ENTREP1: variants seen among roughly 807,000 people sequenced by gnomAD.
ENTREP1 encodes Friedreich ataxia region gene X123.
chr9:69,329,522 A>T, the ENTREP1 span: 1 of 984,412 alleles, frequency 1.0e-6, no homozygotes, highest in Non-Finnish European at 1.2e-6. Context: ...CATAGTTTTC[A>T]TTCATACTTT....
the ENTREP1 span, among the ~76,000 whole-genome samples, chr9:69,340,691 G>T: frequency 8.5e-6 from 1 of 117,050 alleles, no homozygotes; most frequent in Non-Finnish European, 1.8e-5. Context: ...GCATGTGTGT[G>T]TGTATGTGTG....
chr9:69,335,992 A>G, the ENTREP1 span, among the ~76,000 whole-genome samples: 694 of 152,380 alleles, frequency 4.6e-3, 7 homozygotes, highest in African/African-American at 0.016. Flanking sequence ...TTTAAAAACA[A>G]AACAAAATTA....
chr9:69,335,134 A>T, the ENTREP1 span, among the ~76,000 whole-genome samples: 1 of 152,182 alleles, frequency 6.6e-6, no homozygotes, highest in African/African-American at 2.4e-5. Context: ...TCCTTCTCAC[A>T]GTAGTTCCTC....
chr9:69,340,683 A>ATGTGTGTGTG, the ENTREP1 span, among the ~76,000 whole-genome samples: 1 of 27,112 alleles, frequency 3.7e-5, no homozygotes, highest in Non-Finnish European at 8.2e-5. Flanking sequence ...GTGTGCATGC[A>ATGTGTGTGTG]TGTGTGTGTG....
the ENTREP1 span, among the ~76,000 whole-genome samples, chr9:69,374,146 G>A: frequency 6.6e-6 from 1 of 152,124 alleles, no homozygotes; most frequent in Non-Finnish European, 1.5e-5. Context: ...ATTTTGCCCA[G>A]TGTAATGTTG....
chr9:69,360,407 T>C, the ENTREP1 span, among the ~76,000 whole-genome samples: 9 of 152,352 alleles, frequency 5.9e-5, 1 homozygote, highest in South Asian at 6.2e-4. Context: ...TAAAGTTATA[T>C]CATGATTTTG....
At chr9:69,379,544 CAG>C in the ENTREP1 span, 1 of 152,230 alleles carries the variant, frequency 6.6e-6, no homozygotes, top group Non-Finnish European at 1.5e-5. Flanking sequence ...CCAAGAATGA[CAG>C]AGGCTGAAGA....
At chr9:69,365,071 T>A in the ENTREP1 span, among the ~76,000 whole-genome samples, 161 of 152,280 alleles carry the variant, frequency 1.1e-3, 1 homozygote, top group African/African-American at 3.7e-3. Context: ...GGATTTAGGA[T>A]TTTCTTTTTA....
At chr9:69,368,682 C>T in the ENTREP1 span, among the ~76,000 whole-genome samples, 6 of 151,930 alleles carry the variant, frequency 3.9e-5, no homozygotes, top group African/African-American at 1.5e-4. Flanking sequence ...GGGAGAATTC[C>T]CTCTCCTTCA....
chr9:69,325,114 T>G, the ENTREP1 span: 128 of 985,284 alleles, frequency 1.3e-4, 1 homozygote, highest in South Asian at 1.2e-3. Context: ...AGGCGGCAGG[T>G]GGGTGCGGCC....
chr9:69,379,774 A>T, the ENTREP1 span: 12 of 152,226 alleles, frequency 7.9e-5, no homozygotes, highest in Admixed American at 7.9e-4. Flanking sequence ...GGCAGCAGAC[A>T]GATTTAGTTT....
chr9:69,377,785 G>T, the ENTREP1 span: 1 of 1,575,148 alleles, frequency 6.3e-7, no homozygotes, highest in South Asian at 1.2e-5. Context: ...GTGGGATGCT[G>T]TGGGTTCTGA....
chr9:69,329,834 GTT>G, the ENTREP1 span: 1 of 187,890 alleles, frequency 5.3e-6, no homozygotes, highest in Non-Finnish European at 6.5e-6. Flanking sequence ...GGGTATGGGC[GTT>G]AATGTTAACT....
chr9:69,343,084 G>C, the ENTREP1 span, among the ~76,000 whole-genome samples: 1 of 152,236 alleles, frequency 6.6e-6, no homozygotes, highest in Non-Finnish European at 1.5e-5. Flanking sequence ...CCAAAGCTTA[G>C]AAGTAACCTT....
At chr9:69,383,669 C>A in the ENTREP1 span, 8 of 1,613,940 alleles carry the variant, frequency 5.0e-6, no homozygotes, top group African/African-American at 1.1e-4. Context: ...CACACATCTA[C>A]GGAGCTCGAA....
At chr9:69,327,098 T>A in the ENTREP1 span, among the ~76,000 whole-genome samples, 166 of 152,262 alleles carry the variant, frequency 1.1e-3, no homozygotes, top group Middle Eastern at 6.8e-3. Context: ...TCCTTGAGAC[T>A]CGCCTGAAAT....
the ENTREP1 span, among the ~76,000 whole-genome samples, chr9:69,359,738 G>A: frequency 6.6e-6 from 1 of 152,210 alleles, no homozygotes; most frequent in African/African-American, 2.4e-5. Flanking sequence ...TGAGGACTGA[G>A]AGTGGGACAG....
the ENTREP1 span, among the ~76,000 whole-genome samples, chr9:69,369,138 T>C: frequency 2.0e-5 from 3 of 152,198 alleles, no homozygotes; most frequent in Non-Finnish European, 4.4e-5. Context: ...GCTTTATCCA[T>C]GTCCCTGCAA....
the ENTREP1 span, chr9:69,377,324 G>T: frequency 2.0e-6 from 2 of 1,023,552 alleles, no homozygotes; most frequent in Non-Finnish European, 3.1e-6. Context: ...GTATTCTGGT[G>T]ATGTTTGTTG....
Sources: allele counts gnomAD v4.1 joint callset (sites outside exome capture counted in the v4.1 genomes callset), GRCh38; gene constraint gnomAD v4.1.1; transcripts MANE v1.5; gene names NCBI Gene and HGNC (gene_info 2026-07-23, HGNC 2026-07-21).